Variants in EPHA6 observed in about 807,000 individuals in gnomAD.
EPHA6 encodes the protein EPH receptor A6.
In EPHA6, 50 loss-of-function variants were observed where a neutral mutation model predicts 112.0. The ratio of observed to expected loss-of-function variants is 0.45; its 90% confidence interval spans 0.36 to 0.56. EPHA6 has a LOEUF of 0.56. Ranked by LOEUF, EPHA6 falls within the 20% of genes least tolerant of loss-of-function variation. EPHA6 has a pLI of 0.00. For missense variants in EPHA6, 1,280 were observed against 1,417.4 expected (o/e 0.90, Z 1.56); for synonymous variants, 529 against 490.7 (o/e 1.08, Z -1.03).
At chr3:97,604,303 A>G (rs1389590002) in intron 12 of EPHA6, among the ~76,000 whole-genome samples, 1 of 151,672 alleles carries the variant, frequency 6.6e-6, no homozygotes, top group Non-Finnish European at 1.5e-5. Context: ...CTTCAACTGT[A>G]CTGTGCTGGG....
At chr3:97,145,466 T>A (rs530626846) in intron 3 of EPHA6, among the ~76,000 whole-genome samples, 90 of 151,604 alleles carry the variant, frequency 5.9e-4, no homozygotes, top group Non-Finnish European at 9.8e-4. Flanking sequence ...TTTTAAAAAA[T>A]TTTTATTTCT....
chr3:97,519,223 A>G (rs949634904), intron 10 of EPHA6, among the ~76,000 whole-genome samples: 1 of 152,000 alleles, frequency 6.6e-6, no homozygotes, highest in African/African-American at 2.4e-5. Flanking sequence ...TGGATGTCCG[A>G]TTTTTACAGC....
At chr3:97,517,910 C>T (rs2092472820) in intron 10 of EPHA6, among the ~76,000 whole-genome samples, 1 of 152,108 alleles carries the variant, frequency 6.6e-6, no homozygotes, top group African/African-American at 2.4e-5. Context: ...CCCTGTTGCA[C>T]AAGTAACAGA....
At chr3:97,320,268 A>G (rs1171385014) in intron 5 of EPHA6, among the ~76,000 whole-genome samples, 1 of 152,014 alleles carries the variant, frequency 6.6e-6, no homozygotes, top group Non-Finnish European at 1.5e-5. Flanking sequence ...AAGGTTTTCT[A>G]CCTTCCATGA....
In EPHA6 at chr3:97,116,633, C is replaced by T. The variant is rs116790135; in HGVS notation, c.1115-109631C>T. ...TACTTATTTTACTTAGCATAATGTC[C>T]TCCAGGTTCATTCATGTTGTGCAGA... is the stretch of plus-strand genomic sequence containing the variant. On this transcript the variant is annotated intron_variant, in intron 3 of 17. Transcript: ENST00000389672. Among the ~76,000 whole-genome samples, 953 of 151,712 alleles carry T rather than the reference C, an allele frequency of 6.3e-3. 7 individuals carry two copies. The highest frequency in any genetic ancestry group is 0.022 in the African/African-American group (911 of 41,498).
chr3:97,187,188 T>C (rs929831869), intron 3 of EPHA6, among the ~76,000 whole-genome samples: 2 of 152,116 alleles, frequency 1.3e-5, no homozygotes, highest in African/African-American at 4.8e-5. Flanking sequence ...CATACAGATT[T>C]AAGGATCAGT....
At chr3:96,887,211 G>C (rs980896229) in intron 2 of EPHA6, among the ~76,000 whole-genome samples, 1 of 147,492 alleles carries the variant, frequency 6.8e-6, no homozygotes, top group Non-Finnish European at 1.5e-5. Flanking sequence ...CTTCTCATTT[G>C]GGTAGGCTCT....
chr3:97,479,376 A>T lies in EPHA6; in HGVS notation c.2074+12A>T, dbSNP rs370095588. On this transcript the variant is annotated intron_variant, in intron 9 of 17. Transcript: ENST00000389672. Reference sequence around the variant, plus strand: ...ACAGAATGGGCATTGTAAGTAGCGCAGGGACTTTCTTTCATTATTTTGTAC... The same window carrying T: ...ACAGAATGGGCATTGTAAGTAGCGCTGGGACTTTCTTTCATTATTTTGTAC... 6.3e-6 allele frequency: 10 copies of T among 1,579,702 alleles called. No individual in the cohort carries two copies. The African/African-American group carries it at 1.4e-4, about 22-fold the overall frequency.
intron 14 of EPHA6, among the ~76,000 whole-genome samples, chr3:97,658,802 AC>A (rs1364186772): frequency 6.6e-6 from 1 of 151,880 alleles, no homozygotes; most frequent in Non-Finnish European, 1.5e-5. Context: ...GCATGATAAA[AC>A]AACACCTTTG....
chr3:97,501,727 T>C (rs1332621283), intron 10 of EPHA6, among the ~76,000 whole-genome samples: 1 of 152,014 alleles, frequency 6.6e-6, no homozygotes, highest in African/African-American at 2.4e-5. Context: ...ATGCTTATTT[T>C]AGAAACAAAG....
chr3:97,176,102 T>G (rs1007912360), intron 3 of EPHA6, among the ~76,000 whole-genome samples: 11 of 151,976 alleles, frequency 7.2e-5, no homozygotes, highest in African/African-American at 2.7e-4. Flanking sequence ...TTGAGGATTT[T>G]TATCATGAAG....
intron 15 of EPHA6, among the ~76,000 whole-genome samples, chr3:97,733,761 T>A (rs557767162): frequency 1.3e-5 from 2 of 152,216 alleles, no homozygotes; most frequent in African/African-American, 4.8e-5. Context: ...GTGCAAACTA[T>A]GAAATAAATA....
At chr3:97,689,499 G>A (rs1200993633) in intron 14 of EPHA6, among the ~76,000 whole-genome samples, 3 of 152,148 alleles carry the variant, frequency 2.0e-5, no homozygotes, top group East Asian at 3.8e-4. Flanking sequence ...GCCTCTCTAT[G>A]GCCCTGAAAG....
intron 3 of EPHA6, among the ~76,000 whole-genome samples, chr3:96,989,151 G>A (rs1284215488): frequency 6.6e-6 from 1 of 152,020 alleles, no homozygotes; most frequent in Non-Finnish European, 1.5e-5. Flanking sequence ...TCATTAAAAA[G>A]GATGAGAATA....
intron 2 of EPHA6, among the ~76,000 whole-genome samples, chr3:96,929,311 T>G (rs1258884854): frequency 1.3e-5 from 2 of 152,248 alleles, no homozygotes; most frequent in Admixed American, 6.5e-5. Flanking sequence ...CTTGTTTACA[T>G]GGTTGCTTCA....
intron 14 of EPHA6, chr3:97,648,332 T>G: frequency 6.4e-7 from 1 of 1,562,342 alleles, no homozygotes; most frequent in East Asian, 2.3e-5. Flanking sequence ...TCTGCATAAA[T>G]TCTGAGAAAA....
intron 2 of EPHA6, among the ~76,000 whole-genome samples, chr3:96,877,601 T>C (rs774790313): frequency 1.3e-4 from 19 of 144,210 alleles, no homozygotes; most frequent in South Asian, 2.2e-4. Flanking sequence ...TTTAGAGAAT[T>C]AATACTAACC....
At chr3:97,173,944 A>G (rs554577886) in intron 3 of EPHA6, among the ~76,000 whole-genome samples, 322 of 151,616 alleles carry the variant, frequency 2.1e-3, no homozygotes, top group African/African-American at 7.4e-3. Context: ...AACTACAGTC[A>G]CCCTATTGTA....
chr3:97,101,940 C>G (rs2047416409), intron 3 of EPHA6, among the ~76,000 whole-genome samples: 1 of 151,946 alleles, frequency 6.6e-6, no homozygotes, highest in South Asian at 2.1e-4. Context: ...CAGTTTCCTC[C>G]CAAATGATAA....
Sources: gnomAD v4.1 joint callset for allele counts (sites outside exome capture counted in the v4.1 genomes callset) on GRCh38, gnomAD v4.1.1 for gene constraint, MANE v1.5 for transcripts, NCBI Gene and HGNC (gene_info 2026-07-23, HGNC 2026-07-21) for gene names.